Variants in CDK13 observed in about 807,000 individuals in gnomAD.
CDK13 encodes cyclin dependent kinase 13.
In CDK13, 40 loss-of-function variants were observed where a neutral mutation model predicts 137.6. That is an observed-to-expected ratio of 0.29 (90% CI 0.23 to 0.38). The LOEUF (loss-of-function observed/expected upper bound fraction) is 0.38, where lower values mean the gene tolerates loss of function less well. CDK13 is among the 10% of genes least tolerant of loss of function. CDK13 has a pLI of 1.00. For missense variants in CDK13, 1,704 were observed against 1,951.8 expected, an observed-to-expected ratio of 0.87 and a Z score of 2.39; for synonymous variants, 869 against 760.1, an observed-to-expected ratio of 1.14 and a Z score of -2.36.
intron 5 of CDK13, among the ~76,000 whole-genome samples, chr7:40,036,342 A>G (rs1269796861): frequency 6.6e-6 from 1 of 152,120 alleles, no homozygotes. Flanking sequence ...ATATTCAAAC[A>G]TCTAAAAGTA....
Position 39,997,649 on chromosome 7 carries a change from G to A in CDK13, c.2027G>A (p.Ser676Asn), listed in dbSNP as rs139935261. The A allele has an allele frequency of 2.1e-4, 334 of 1,613,118 alleles. 2 individuals carry two copies. The highest frequency in any genetic ancestry group is 1.3e-4 in the Non-Finnish European group (152 of 1,179,604). Residue 676 changes from serine (S) to asparagine (N), a missense_variant, in exon 3 of 14, where the codon AGT becomes AAT. By Grantham distance (46) the Ser-to-Asn change is conservative. Transcript: ENST00000181839. ...AAGAAAACAGCAACACAGTTACATA[G>A]TAAAAGGAGGCCTAAGTATGTGCTT... ...EEKKTATQLH[S>N]KRRPKICGPR...
chr7:39,996,488 G>A (rs992449646), intron 2 of CDK13, among the ~76,000 whole-genome samples: 3 of 152,214 alleles, frequency 2.0e-5, no homozygotes, highest in Non-Finnish European at 2.9e-5. Context: ...AGCTAATGGA[G>A]TTTAAATTTC....
chr7:40,007,085 T>G (rs1216165985), intron 5 of CDK13, among the ~76,000 whole-genome samples: 1 of 152,234 alleles, frequency 6.6e-6, no homozygotes, highest in African/African-American at 2.4e-5. Context: ...TACTTAACAG[T>G]GTTTTGGTAC....
chr7:40,079,576 A>G (rs535555671), intron 11 of CDK13, among the ~76,000 whole-genome samples: 1 of 152,338 alleles, frequency 6.6e-6, no homozygotes, highest in South Asian at 2.1e-4. Flanking sequence ...GGTAGGTATT[A>G]GTATTATTAT....
intron 11 of CDK13, among the ~76,000 whole-genome samples, chr7:40,085,401 A>T (rs1390986775): frequency 6.6e-6 from 1 of 151,822 alleles, no homozygotes; most frequent in Non-Finnish European, 1.5e-5. Context: ...ATAATCTCTT[A>T]CTTTTAAATT....
chr7:40,082,393 A>AG, intron 11 of CDK13, among the ~76,000 whole-genome samples: 2 of 147,586 alleles, frequency 1.4e-5, no homozygotes, highest in South Asian at 2.3e-4. Context: ...AGGCTGAGGC[A>AG]GAGAACTGCT....
chr7:40,086,485 C>T (rs1786790077), intron 11 of CDK13, among the ~76,000 whole-genome samples: 1 of 152,100 alleles, frequency 6.6e-6, no homozygotes, highest in South Asian at 2.1e-4. Flanking sequence ...ACAACAGTAA[C>T]GTTCCATTAA....
In CDK13 at chr7:40,078,736, C is replaced by A; in HGVS notation, c.2914C>A (p.Leu972Ile). The change falls in exon 11 of 14, where the codon CTA (leucine) becomes ATA (isoleucine). Residue 972 changes from leucine (L) to isoleucine (I), a missense_variant. Coordinates refer to ENST00000181839, the MANE Select transcript of CDK13 (RefSeq NM_003718.5). ...TCATGCTAGTATTCCTGCAGCTGCG[C>A]TAGACTTATTTGATTACATGCTTGC... ...EEFVFIPAAA[L>I]DLFDYMLALD... 1.3e-6 allele frequency: 2 copies of A among 1,534,462 alleles called. No homozygotes were observed. The highest frequency in any genetic ancestry group is 1.8e-6 in the Non-Finnish European group (2 of 1,138,104).
intron 7 of CDK13, among the ~76,000 whole-genome samples, chr7:40,056,550 T>C (rs1348016896): frequency 3.3e-5 from 5 of 152,186 alleles, no homozygotes; most frequent in African/African-American, 1.2e-4. Flanking sequence ...ATTCTCTAGA[T>C]GGAAGCAATG....
At chr7:39,972,331 G>GT (rs1784017692) in intron 1 of CDK13, among the ~76,000 whole-genome samples, 1 of 152,146 alleles carries the variant, frequency 6.6e-6, no homozygotes, top group African/African-American at 2.4e-5. Context: ...TTATTGAAAT[G>GT]TATTTCACAT....
chr7:40,009,173 T>C (rs1229157851), intron 5 of CDK13, among the ~76,000 whole-genome samples: 1 of 152,260 alleles, frequency 6.6e-6, no homozygotes, highest in African/African-American at 2.4e-5. Context: ...TTTTCTCACA[T>C]CTGTATGATT....
rs145688482 is a variant in CDK13 at position 40,085,012 on chromosome 7, G to A, written c.3030-3114G>A. On this transcript the variant is annotated intron_variant, in intron 11 of 13. Transcript: ENST00000181839. ...CCTGTACTATTTTAGCTATTTCTTG[G>A]GTAAAATTTATCTTTCCTAGAGATG... Among the ~76,000 whole-genome samples the A allele has an allele frequency of 5.7e-4, 86 of 152,118 alleles. 1 individual carries two copies. Among genetic ancestry groups the A allele is most frequent in the African/African-American group, 2.0e-3 (82 of 41,502 alleles).
At chr7:40,038,854 C>T (rs1398889158) in intron 5 of CDK13, among the ~76,000 whole-genome samples, 1 of 152,114 alleles carries the variant, frequency 6.6e-6, no homozygotes, top group Non-Finnish European at 1.5e-5. Context: ...CACCACCATG[C>T]CTGGCTAATT....
intron 11 of CDK13, among the ~76,000 whole-genome samples, chr7:40,081,403 A>T (rs542295419): frequency 6.6e-6 from 1 of 152,300 alleles, no homozygotes; most frequent in East Asian, 1.9e-4. Context: ...TCAAGTGGAA[A>T]GCAACTATCA....
At chr7:39,972,470 C>T (rs1430529724) in intron 1 of CDK13, among the ~76,000 whole-genome samples, 4 of 152,192 alleles carry the variant, frequency 2.6e-5, no homozygotes, top group Non-Finnish European at 5.9e-5. Context: ...GCAGTCACTC[C>T]CCATTCCCAC....
chr7:39,957,013 A>G (rs1285354748), intron 1 of CDK13, among the ~76,000 whole-genome samples: 1 of 152,078 alleles, frequency 6.6e-6, no homozygotes, highest in East Asian at 1.9e-4. Flanking sequence ...AGCTTAAATG[A>G]TAAGAGACAC....
At chr7:40,006,815 A>G (rs1256258058) in intron 5 of CDK13, among the ~76,000 whole-genome samples, 2 of 152,212 alleles carry the variant, frequency 1.3e-5, no homozygotes, top group Non-Finnish European at 2.9e-5. Context: ...TTTATGCTGT[A>G]TGAAGTAAAA....
chr7:40,013,181 C>T (rs1444620415), intron 5 of CDK13, among the ~76,000 whole-genome samples: 2 of 152,146 alleles, frequency 1.3e-5, no homozygotes, highest in Non-Finnish European at 2.9e-5. Flanking sequence ...ATGTGTGATT[C>T]TACTTATGTG....
intron 9 of CDK13, among the ~76,000 whole-genome samples, chr7:40,074,382 G>C (rs1032219336): frequency 6.6e-5 from 10 of 152,060 alleles, no homozygotes; most frequent in Non-Finnish European, 1.5e-5. Context: ...AATTAGCCGG[G>C]TGTGGTGGCA....
Sources: allele counts gnomAD v4.1 joint callset (sites outside exome capture counted in the v4.1 genomes callset), GRCh38; gene constraint gnomAD v4.1.1; transcripts MANE v1.5; gene names NCBI Gene and HGNC (gene_info 2026-07-23, HGNC 2026-07-21).